The following PCDHA4 variants were observed in gnomAD, a reference collection of about 807,000 sequenced individuals.
PCDHA4 encodes the protein protocadherin alpha-4.
Under a neutral mutation model 61.4 loss-of-function variants are expected in PCDHA4, and 49 were observed. The ratio of observed to expected loss-of-function variants is 0.80; its 90% CI spans 0.63 to 1.01. The LOEUF is 1.01. Among genes scored for constraint, PCDHA4 ranks in the 50% least tolerant of loss-of-function variants. The pLI, the probability that PCDHA4 is intolerant of heterozygous loss-of-function variation, is 0.00. For missense variants in PCDHA4, 1,254 were observed against 1,235.8 expected (o/e 1.01, Z -0.22); for synonymous variants, 590 against 550.3 (o/e 1.07, Z -1.01).
intron 1 of PCDHA4, chr5:140,883,731 C>T (rs1287936712): frequency 6.2e-7 from 1 of 1,613,446 alleles, no homozygotes; most frequent in East Asian, 2.2e-5. Flanking sequence ...CAGGAGAACG[C>T]GCTGGTCTCC....
intron 1 of PCDHA4, chr5:140,875,529 G>A: frequency 1.2e-6 from 2 of 1,614,112 alleles, no homozygotes; most frequent in South Asian, 1.1e-5. Context: ...TCTCGCTTCT[G>A]CTCCTTGCAG....
At chr5:140,882,092 A>C (rs59479) in intron 1 of PCDHA4, 748,334 of 1,137,016 alleles carry the variant, frequency 0.66, 247,467 homozygotes, top group African/African-American at 0.7. Flanking sequence ...CTTCACTGAG[A>C]ACGTTTCCGC....
chr5:140,843,914 A>C, intron 1 of PCDHA4: 1 of 621,414 alleles, frequency 1.6e-6, no homozygotes, highest in Non-Finnish European at 2.8e-6. Flanking sequence ...AGTTGGGTCT[A>C]TCTTGAAACT....
Position 140,808,464 on chromosome 5 carries a change from C to A in PCDHA4, c.1277C>A (p.Thr426Asn). 6.2e-7 allele frequency: 1 copy of A among 1,614,164 alleles called. No individual in the cohort carries two copies. Among genetic ancestry groups the A allele is most frequent in the Non-Finnish European group, 8.5e-7 (1 of 1,180,048 alleles). The stretch of plus-strand genomic sequence containing the variant: ...GTGTCAGCCTATGAGCTGGTGGTGA[C>A]CGCGCGAGACGGGGGCTCGCCTTCG... ...ESVSAYELVV[T>N]ARDGGSPSLW... The change falls in exon 1 of 4, where the codon ACC becomes AAC. Residue 426 changes from threonine to asparagine, a missense_variant. Transcript: ENST00000530339.
intron 1 of PCDHA4, chr5:140,966,657 G>A: frequency 1.7e-6 from 2 of 1,210,192 alleles, no homozygotes; most frequent in Admixed American, 3.9e-5. Context: ...TGAGCGGTGG[G>A]GGAGCAGGCG....
At chr5:140,887,955 CT>C (rs2061644555) in intron 1 of PCDHA4, among the ~76,000 whole-genome samples, 1 of 152,088 alleles carries the variant, frequency 6.6e-6, no homozygotes, top group Non-Finnish European at 1.5e-5. Flanking sequence ...GTATAAGATT[CT>C]TTTTGTCTCT....
At chr5:140,860,563 A>G (rs1332482786) in intron 1 of PCDHA4, 4 of 152,330 alleles carry the variant, frequency 2.6e-5, no homozygotes, top group Admixed American at 1.3e-4. Flanking sequence ...AGAGGTACTG[A>G]TCATACACAA....
At chr5:140,875,130 C>T (rs2055283720) in intron 1 of PCDHA4, among the ~76,000 whole-genome samples, 1 of 151,894 alleles carries the variant, frequency 6.6e-6, no homozygotes, top group Admixed American at 6.6e-5. Context: ...TAACTAAACC[C>T]GCATTTATAA....
intron 1 of PCDHA4, among the ~76,000 whole-genome samples, chr5:140,914,715 T>A (rs1554196547): frequency 6.6e-6 from 1 of 152,162 alleles, no homozygotes; most frequent in Non-Finnish European, 1.5e-5. Flanking sequence ...TTCTTGTTTT[T>A]TATTTTTTGT....
intron 1 of PCDHA4, chr5:140,850,265 G>A (rs2150476543): frequency 1.3e-6 from 2 of 1,594,610 alleles, no homozygotes; most frequent in Admixed American, 1.7e-5. Context: ...CCGGCGTAGT[G>A]GTGGGGAAGG....
chr5:140,835,421 T>C (rs2150235406), intron 1 of PCDHA4: 2 of 1,613,844 alleles, frequency 1.2e-6, no homozygotes, highest in African/African-American at 1.3e-5. Context: ...TAAATGACAA[T>C]GCTCCACAGT....
intron 3 of PCDHA4, among the ~76,000 whole-genome samples, chr5:140,996,592 C>T (rs2097733979): frequency 6.7e-6 from 1 of 149,052 alleles, no homozygotes; most frequent in African/African-American, 2.4e-5. Context: ...AGGGCCGCCT[C>T]CCCCCATTTT....
intron 1 of PCDHA4, among the ~76,000 whole-genome samples, chr5:140,887,968 T>C (rs1434403033): frequency 6.6e-6 from 1 of 152,242 alleles, no homozygotes; most frequent in Non-Finnish European, 1.5e-5. Context: ...TTTGTCTCTT[T>C]TAAAATTTAT....
chr5:140,863,376 C>T (rs781824830), intron 1 of PCDHA4: 2 of 1,123,242 alleles, frequency 1.8e-6, no homozygotes, highest in South Asian at 1.2e-5. Context: ...CGCAGCTCAC[C>T]GAGAGCTCGT....
intron 3 of PCDHA4, among the ~76,000 whole-genome samples, chr5:141,007,690 C>T (rs2098341020): frequency 6.6e-6 from 1 of 152,224 alleles, no homozygotes; most frequent in Non-Finnish European, 1.5e-5. Flanking sequence ...CCTACTTCCA[C>T]CTCCCTCCTC....
rs1401604778 is a variant in PCDHA4, at chr5:140,834,718, G to A, written c.2385+25146G>A. On this transcript the variant is annotated intron_variant, in intron 1 of 3. Coordinates refer to ENST00000530339, the MANE Select transcript of PCDHA4 (RefSeq NM_018907.4). ...ATCCACCTGGAGGTGATCGTGGAAA[G>A]GCCGCTGCAGGTTTTCCATGTGGAC... 9 of 1,614,148 alleles carry A rather than the reference G, an allele frequency of 5.6e-6. No homozygotes were observed. Among genetic ancestry groups the A allele is most frequent in the Middle Eastern group, 1.6e-4 (1 of 6,084 alleles).
At chr5:140,843,662 G>T in intron 1 of PCDHA4, 1 of 1,593,858 alleles carries the variant, frequency 6.3e-7, no homozygotes, top group South Asian at 1.1e-5. Flanking sequence ...TCCTGATCTG[G>T]GATCAGTTGA....
In PCDHA4 at chr5:141,010,605, A is replaced by G. The variant is rs2098417765; in HGVS notation, c.*668A>G. ...AAAGTCTGTTGGCTGTGACGTCATT[A>G]TACCTAAAATCTGCATCATACCTGC... On this transcript the variant is annotated 3_prime_UTR_variant, in exon 4 of 4. Transcript: ENST00000530339. 1 of 206,202 alleles carries G rather than the reference A, an allele frequency of 4.8e-6. No individual in the cohort carries two copies. Among genetic ancestry groups the G allele is most frequent in the Non-Finnish European group, 9.9e-6 (1 of 101,122 alleles). 12.8% of individuals were successfully genotyped at this position (206,202 alleles called of 1,614,324 possible). A position where few individuals can be genotyped will look rare whatever the true frequency, so the allele number is the denominator to read the frequency against.
intron 1 of PCDHA4, chr5:140,849,428 A>G: frequency 6.3e-7 from 1 of 1,578,702 alleles, no homozygotes; most frequent in Non-Finnish European, 8.6e-7. Context: ...TGGATTTTGA[A>G]GAAAGTAGAG....
Sources: allele counts gnomAD v4.1 joint callset (sites outside exome capture counted in the v4.1 genomes callset), GRCh38; gene constraint gnomAD v4.1.1; transcripts MANE v1.5; gene names NCBI Gene and HGNC (gene_info 2026-07-23, HGNC 2026-07-21).